RREB1: variants seen among roughly 807,000 people sequenced by gnomAD.
RREB1 encodes the protein ras-responsive element-binding protein 1.
In RREB1, 27 loss-of-function variants were observed where a neutral mutation model predicts 117.8. That is an observed-to-expected ratio of 0.23 (90% CI 0.17 to 0.32). The LOEUF is 0.32. Among genes scored for constraint, RREB1 ranks in the 10% least tolerant of loss-of-function variants. The pLI, the probability that RREB1 is intolerant of heterozygous loss-of-function variation, is 1.00. For missense variants in RREB1, 2,577 were observed against 2,378.2 expected, an observed-to-expected ratio of 1.08 and a Z score of -1.74; for synonymous variants, 1,298 against 1,026.7, an observed-to-expected ratio of 1.26 and a Z score of -5.05.
intron 1 of RREB1, among the ~76,000 whole-genome samples, chr6:7,113,116 C>T (rs958990757): frequency 1.3e-4 from 19 of 145,558 alleles, no homozygotes; most frequent in African/African-American, 4.2e-4. Flanking sequence ...TAAGAGAATT[C>T]GAAAACCTCT....
intron 1 of RREB1, among the ~76,000 whole-genome samples, chr6:7,120,813 ATTTTTTTTTT>A (rs754044532): frequency 2.7e-5 from 3 of 109,664 alleles, no homozygotes; most frequent in South Asian, 2.9e-4. Flanking sequence ...CGCTTGGCTA[ATTTTTTTTTT>A]TTTTTTTTTT....
At chr6:7,130,255 C>T (rs1437560229) in intron 1 of RREB1, among the ~76,000 whole-genome samples, 3 of 152,212 alleles carry the variant, frequency 2.0e-5, no homozygotes, top group Non-Finnish European at 2.9e-5. Flanking sequence ...CTCTAAAAAC[C>T]TGCAAAGTAG....
chr6:7,224,966 A>G (rs1177838997), intron 8 of RREB1, among the ~76,000 whole-genome samples: 1 of 152,142 alleles, frequency 6.6e-6, no homozygotes, highest in Non-Finnish European at 1.5e-5. Context: ...GAGCATGCAC[A>G]GCAGGACCGG....
At position 7,184,210 on chromosome 6, in the gene RREB1, C is replaced by CA. The variant is rs1764950953; in HGVS notation, c.171+2129dup. Among the ~76,000 whole-genome samples, 3 of 151,978 alleles carry CA rather than the reference C, an allele frequency of 2.0e-5. No homozygotes were observed. In the South Asian group the frequency reaches 6.2e-4, roughly 32 times the overall value. ...TATAAAAAACAAAAACAGAATTCTC[C>CA]AGGAGGGCCTCTCTTCCAGTATCAC... On this transcript the variant is annotated intron_variant, in intron 4 of 12. Transcript: ENST00000379938.
chr6:7,126,350 C>T (rs1761930016), intron 1 of RREB1, among the ~76,000 whole-genome samples: 1 of 152,036 alleles, frequency 6.6e-6, no homozygotes. Context: ...TGCACTACAA[C>T]CTCCGCCTCC....
Position 7,230,343 on chromosome 6 carries a change from C to T in RREB1, c.2244C>T (p.Phe748=). 1 of 1,590,652 alleles carries T rather than the reference C, an allele frequency of 6.3e-7. No homozygotes were observed. The highest frequency in any genetic ancestry group is 2.2e-5 in the East Asian group (1 of 44,672). Reference sequence around the variant, plus strand: ...GCGCGGCCGAGCTGGTGGACGCCTTCTGCGCCCCGGACACCGTGTGCCGGC... The same window carrying T: ...GCGCGGCCGAGCTGGTGGACGCCTTTTGCGCCCCGGACACCGTGTGCCGGC... ...SSSAAELVDA[F]CAPDTVCRLC... is the part of the protein sequence containing the mutation. Residue 748 remains phenylalanine (F), a synonymous_variant, in exon 10 of 13, where the codon TTC becomes TTT. Transcript: ENST00000379938.
intron 1 of RREB1, among the ~76,000 whole-genome samples, chr6:7,113,043 T>C (rs1761221258): frequency 6.6e-6 from 1 of 152,196 alleles, no homozygotes; most frequent in African/African-American, 2.4e-5. Context: ...GAGTAGGTGC[T>C]TCAGACGAAA....
intron 1 of RREB1, among the ~76,000 whole-genome samples, chr6:7,116,109 G>A (rs1295497090): frequency 3.9e-5 from 6 of 152,166 alleles, no homozygotes; most frequent in South Asian, 2.1e-4. Context: ...AAAGCCGTGC[G>A]TGGTGTTTGC....
In RREB1 at chr6:7,248,502, T is replaced by C; in HGVS notation, c.4772-9T>C. 6.2e-7 allele frequency: 1 copy of C among 1,612,642 alleles called. No individual in the cohort carries two copies. ...TGGTTAATGGAAATTCTTTCTTCCA[T>C]TGTTCCAGGGGAAAGGCCATACAAA... On this transcript the variant is annotated splice_polypyrimidine_tract_variant and intron_variant, in intron 12 of 12. Transcript: ENST00000379938.
At chr6:7,198,135 A>G (rs1215931590) in intron 6 of RREB1, among the ~76,000 whole-genome samples, 1 of 152,162 alleles carries the variant, frequency 6.6e-6, no homozygotes, top group Non-Finnish European at 1.5e-5. Context: ...GTTTCTGAGG[A>G]CACCCTGTAT....
intron 1 of RREB1, among the ~76,000 whole-genome samples, chr6:7,152,054 G>A (rs1164872897): frequency 6.6e-6 from 1 of 152,228 alleles, no homozygotes; most frequent in East Asian, 1.9e-4. Flanking sequence ...TTGATTTGAG[G>A]ATGCATTATG....
chr6:7,194,744 A>G (rs1398567691), intron 6 of RREB1, among the ~76,000 whole-genome samples: 2 of 152,222 alleles, frequency 1.3e-5, no homozygotes, highest in East Asian at 3.8e-4. Flanking sequence ...ACTTGGGCTC[A>G]GATTTAATAA....
chr6:7,141,164 G>A (rs1762560611), intron 1 of RREB1, among the ~76,000 whole-genome samples: 1 of 152,156 alleles, frequency 6.6e-6, no homozygotes, highest in Non-Finnish European at 1.5e-5. Flanking sequence ...CGCGGTGGGT[G>A]TCCGGTGAGC....
intron 6 of RREB1, among the ~76,000 whole-genome samples, chr6:7,204,589 C>T (rs111364666): frequency 0.014 from 2,081 of 152,246 alleles, 64 homozygotes; most frequent in African/African-American, 0.047. Flanking sequence ...AACCAGGCTG[C>T]TAGACCCTGT....
chr6:7,236,009 C>G (rs140583473), intron 10 of RREB1, among the ~76,000 whole-genome samples: 21 of 152,300 alleles, frequency 1.4e-4, no homozygotes, highest in African/African-American at 5.1e-4. Context: ...TCCTTCCACT[C>G]CTCTCCAGCT....
intron 1 of RREB1, among the ~76,000 whole-genome samples, chr6:7,116,399 G>A (rs1761399796): frequency 6.6e-6 from 1 of 152,028 alleles, no homozygotes; most frequent in African/African-American, 2.4e-5. Flanking sequence ...TGGAGAATTA[G>A]CTCTTCTGTT....
chr6:7,249,139 G>T lies in RREB1; in HGVS notation c.*171G>T, dbSNP rs1376176240. On this transcript the variant is annotated 3_prime_UTR_variant, in exon 13 of 13. Coordinates refer to ENST00000379938, the MANE Select transcript of RREB1 (RefSeq NM_001003699.4). Reference sequence around the variant, plus strand: ...GCGTGGCTGCTCGCTCAGTGCCATAGCCTTACCGCAGCCTGCGCGGGAGGC... The same window carrying T: ...GCGTGGCTGCTCGCTCAGTGCCATATCCTTACCGCAGCCTGCGCGGGAGGC... 6.5e-6 allele frequency: 4 copies of T among 611,504 alleles called. No homozygotes were observed. The highest frequency in any genetic ancestry group is 5.7e-5 in the East Asian group (2 of 34,806). The allele number at this position is 611,504 out of a possible 1,614,324, so 37.9% of individuals were successfully genotyped here.
At chr6:7,219,996 G>T (rs1354313282) in intron 8 of RREB1, among the ~76,000 whole-genome samples, 1 of 152,150 alleles carries the variant, frequency 6.6e-6, no homozygotes, top group African/African-American at 2.4e-5. Context: ...GTTCCAGGGA[G>T]CCCCAATTCC....
chr6:7,225,873 C>T (rs892546252), intron 8 of RREB1, among the ~76,000 whole-genome samples: 8 of 152,176 alleles, frequency 5.3e-5, no homozygotes, highest in South Asian at 2.1e-4. Context: ...GCTGTCAGGG[C>T]GCCTGGGCTC....
Sources: gnomAD v4.1 joint callset for allele counts (sites outside exome capture counted in the v4.1 genomes callset) on GRCh38, gnomAD v4.1.1 for gene constraint, MANE v1.5 for transcripts, NCBI Gene and HGNC (gene_info 2026-07-23, HGNC 2026-07-21) for gene names.